The following SCAMP1 variants were observed in gnomAD, a reference collection of about 807,000 sequenced individuals.
SCAMP1 encodes the protein secretory carrier-associated membrane protein 1.
Under a neutral mutation model 41.8 loss-of-function variants are expected in SCAMP1, and 15 were observed. The observed-to-expected ratio is 0.36, with a 90% confidence interval of 0.24 to 0.55. SCAMP1 has a LOEUF of 0.55. Ranked by LOEUF, SCAMP1 falls within the 20% of genes least tolerant of loss-of-function variation. The pLI is 0.86. For synonymous variants in SCAMP1, 135 were observed against 136.8 expected, an observed-to-expected ratio of 0.99 and a Z score of 0.09; for missense variants, 341 against 412.6, an observed-to-expected ratio of 0.83 and a Z score of 1.50.
In SCAMP1 at chr5:78,460,808, C is replaced by CTTTCTTTCTTTCTTTCTTT. The variant is rs1164686959; in HGVS notation, c.852+1446_852+1447insTTTCTTTCTTTCTTTCTTT. Among the ~76,000 whole-genome samples, 25 of 23,172 alleles carry CTTTCTTTCTTTCTTTCTTT rather than the reference C, an allele frequency of 1.1e-3. 4 individuals carry two copies. The highest frequency in any genetic ancestry group is 8.2e-3 in the South Asian group (4 of 488). 15.2% of individuals were successfully genotyped at this position (23,172 alleles called of 152,430 possible). A position where few individuals can be genotyped will look rare whatever the true frequency, so the allele number is the denominator to read the frequency against. On this transcript the variant is annotated intron_variant, in intron 8 of 8. Transcript: ENST00000621999. ...TCCTTCCTTCCTTCCTTCCTTCCTCCCTTCCTTCCTTCCTTTCTTGTCTTT... is the reference window on the plus strand; with the variant it reads ...TCCTTCCTTCCTTCCTTCCTTCCTCCTTTCTTTCTTTCTTTCTTTCTTCCTTCCTTCCTTTCTTGTCTTT...
At chr5:78,440,284 G>A (rs544442125) in intron 6 of SCAMP1, among the ~76,000 whole-genome samples, 21 of 152,114 alleles carry the variant, frequency 1.4e-4, no homozygotes, top group Non-Finnish European at 2.4e-4. Flanking sequence ...GAGAAGGGGC[G>A]CTCTGATTTT....
intron 6 of SCAMP1, among the ~76,000 whole-genome samples, chr5:78,443,913 C>A (rs1229755963): frequency 6.6e-6 from 1 of 151,930 alleles, no homozygotes; most frequent in Non-Finnish European, 1.5e-5. Flanking sequence ...CACCTTGGCT[C>A]CTAAAGTTCT....
At chr5:78,388,988 T>G (rs1751418733) in intron 2 of SCAMP1, 74 bp downstream of exon 2, 2 of 753,630 alleles carry the variant, frequency 2.7e-6, no homozygotes, top group East Asian at 5.6e-5. Flanking sequence ...GATTTCTTTT[T>G]TAGTGGATTG....
intron 6 of SCAMP1, among the ~76,000 whole-genome samples, chr5:78,431,071 G>A (rs1052347211): frequency 5.3e-5 from 8 of 151,666 alleles, no homozygotes; most frequent in African/African-American, 1.9e-4. Flanking sequence ...CATATGTGAA[G>A]CAGATTTCTT....
At chr5:78,387,168 G>T (rs566980559) in intron 1 of SCAMP1, among the ~76,000 whole-genome samples, 3 of 151,440 alleles carry the variant, frequency 2.0e-5, no homozygotes, top group Non-Finnish European at 4.4e-5. Flanking sequence ...TTTTTTCTTT[G>T]TCTTTGTTGG....
chr5:78,468,446 GGA>G (rs1450197237), intron 8 of SCAMP1, among the ~76,000 whole-genome samples: 1 of 152,150 alleles, frequency 6.6e-6, no homozygotes. Flanking sequence ...ATGCATCACA[GGA>G]GACTATGGAT....
At chr5:78,412,057 CAG>C (rs756565274) in intron 2 of SCAMP1, among the ~76,000 whole-genome samples, 21 of 151,818 alleles carry the variant, frequency 1.4e-4, no homozygotes, top group Non-Finnish European at 2.4e-4. Context: ...GCTGCCTGTT[CAG>C]AGTTTTTAAA....
intron 6 of SCAMP1, among the ~76,000 whole-genome samples, chr5:78,422,594 T>G (rs1247943183): frequency 6.6e-6 from 1 of 152,208 alleles, no homozygotes; most frequent in Non-Finnish European, 1.5e-5. Context: ...ATAAGCTTAG[T>G]AAATTTGGGA....
chr5:78,407,783 T>C (rs1413305027), intron 2 of SCAMP1, among the ~76,000 whole-genome samples: 1 of 152,184 alleles, frequency 6.6e-6, no homozygotes, highest in Non-Finnish European at 1.5e-5. Flanking sequence ...TGTAGTTTGC[T>C]GTTCAACTTG....
chr5:78,378,316 A>T (rs910246259), intron 1 of SCAMP1, among the ~76,000 whole-genome samples: 3 of 152,232 alleles, frequency 2.0e-5, no homozygotes, highest in Admixed American at 6.5e-5. Flanking sequence ...AGAAATAAAC[A>T]GGAGACTGAG....
intron 1 of SCAMP1, among the ~76,000 whole-genome samples, chr5:78,369,277 T>C (rs1454674362): frequency 6.6e-6 from 1 of 152,090 alleles, no homozygotes; most frequent in Non-Finnish European, 1.5e-5. Flanking sequence ...TGGTTACTTT[T>C]TGTATTTTTA....
At chr5:78,382,663 A>G (rs912211839) in intron 1 of SCAMP1, among the ~76,000 whole-genome samples, 12 of 152,042 alleles carry the variant, frequency 7.9e-5, no homozygotes, top group African/African-American at 2.9e-4. Context: ...AGAACATACA[A>G]TGTTTGGTTT....
At chr5:78,424,400 G>T (rs1003642746) in intron 6 of SCAMP1, among the ~76,000 whole-genome samples, 3 of 152,158 alleles carry the variant, frequency 2.0e-5, no homozygotes, top group Non-Finnish European at 4.4e-5. Context: ...GATTAAACAT[G>T]AAGTTGTCAT....
intron 2 of SCAMP1, among the ~76,000 whole-genome samples, chr5:78,404,887 C>T (rs999151133): frequency 2.0e-5 from 3 of 152,142 alleles, no homozygotes; most frequent in Non-Finnish European, 4.4e-5. Flanking sequence ...AACAAAAGTG[C>T]GAGGGGACTC....
chr5:78,457,291 C>T (rs1753437113), intron 7 of SCAMP1, among the ~76,000 whole-genome samples: 1 of 152,148 alleles, frequency 6.6e-6, no homozygotes, highest in African/African-American at 2.4e-5. Flanking sequence ...TTTTTCTGTT[C>T]TGTTTTTTCC....
chr5:78,409,066 C>T (rs1752003034), intron 2 of SCAMP1, among the ~76,000 whole-genome samples: 1 of 152,094 alleles, frequency 6.6e-6, no homozygotes, highest in African/African-American at 2.4e-5. Flanking sequence ...TTTAGAGACT[C>T]CTGGCTTTAT....
At chr5:78,440,579 CAG>C (rs1752894433) in intron 6 of SCAMP1, among the ~76,000 whole-genome samples, 1 of 152,182 alleles carries the variant, frequency 6.6e-6, no homozygotes, top group South Asian at 2.1e-4. Context: ...AGCTTCGTCT[CAG>C]AGGTGCACCT....
chr5:78,360,944 C>G (rs1312615225), intron 1 of SCAMP1: 5 of 561,776 alleles, frequency 8.9e-6, no homozygotes, highest in Non-Finnish European at 1.6e-5. Context: ...AGCTCGTGCC[C>G]GGTCGCCCTT....
At chr5:78,457,687 C>A (rs955071997) in intron 7 of SCAMP1, 4 of 153,522 alleles carry the variant, frequency 2.6e-5, no homozygotes, top group African/African-American at 9.6e-5. Context: ...GGCAGGCAGT[C>A]CTCCTTGAGC....
Sources: gnomAD v4.1 joint callset for allele counts (sites outside exome capture counted in the v4.1 genomes callset) on GRCh38, gnomAD v4.1.1 for gene constraint, MANE v1.5 for transcripts, NCBI Gene and HGNC (gene_info 2026-07-23, HGNC 2026-07-21) for gene names.